The following LUM variants were observed in gnomAD, a reference collection of about 807,000 sequenced individuals.
LUM encodes KSPG lumican.
A neutral mutation model predicts 20.5 loss-of-function variants in LUM; 13 were observed. The ratio of observed to expected loss-of-function variants is 0.63; its 90% confidence interval spans 0.41 to 1.01. The LOEUF (loss-of-function observed/expected upper bound fraction) is 1.01. LUM is among the 50% of genes least tolerant of loss of function. LUM has a pLI of 0.00. For synonymous variants in LUM, 173 were observed against 151.5 expected (o/e 1.14, Z -1.04); for missense variants, 321 against 391.1 (o/e 0.82, Z 1.51).
Position 91,104,124 on chromosome 12 carries a change from A to G in LUM, c.*41T>C. The G allele has an allele frequency of 1.3e-6, 2 of 1,545,350 alleles. No homozygotes were observed. Among genetic ancestry groups the G allele is most frequent in the Non-Finnish European group, 1.8e-6 (2 of 1,120,750 alleles). Reference sequence around the variant, plus strand: ...ATGGATACTATGAAAACTGACACACAGAAAAACATAACCATAAAATATTGT... The same window carrying G: ...ATGGATACTATGAAAACTGACACACGGAAAAACATAACCATAAAATATTGT... On this transcript the variant is annotated 3_prime_UTR_variant, in exon 3 of 3. Coordinates refer to ENST00000266718, the MANE Select transcript of LUM (RefSeq NM_002345.4).
chr12:91,104,358 G>T, intron 2 of LUM, 39 bp from the exon 3 acceptor site: 1 of 1,431,178 alleles, frequency 7.0e-7, no homozygotes, highest in South Asian at 1.2e-5. Context: ...TCATTTTTCA[G>T]TACACTGGCT....
At position 91,108,579 on chromosome 12, in the gene LUM, G is replaced by T; in HGVS notation, c.401C>A (p.Pro134Gln). ...CAGATCCTCCAGAGATTTGGGAAGT[G>T]GGCCCACAGACTCTGTCAGGTTGTT... ...NHNNLTESVG[P>Q]LPKSLEDLQL... The change falls in exon 2 of 3, where the codon CCA (proline) becomes CAA (glutamine). Residue 134 changes from proline (P) to glutamine (Q), a missense_variant. Pro to Gln is a moderately conservative substitution (Grantham distance 76). Transcript: ENST00000266718. The surrounding 1 kb of genome is among the most constrained non-coding windows in gnomAD (Gnocchi z 4.2). The T allele has an allele frequency of 6.2e-7, 1 of 1,611,182 alleles. No homozygotes were observed. Among genetic ancestry groups the T allele is most frequent in the Non-Finnish European group, 8.5e-7 (1 of 1,178,150 alleles).
intron 2 of LUM, among the ~76,000 whole-genome samples, chr12:91,107,872 C>T (rs552732669): frequency 6.6e-6 from 1 of 151,990 alleles, no homozygotes; most frequent in South Asian, 2.1e-4. Flanking sequence ...TGCGACACCA[C>T]GCCTGGCTAA....
rs1232042745 is a variant in LUM at position 91,103,111 on chromosome 12, A to G, written c.*1054T>C. ...GAAAGCTGTTATTACTGGATTATGAACTCAAAACCTATGATCCAGACATAT... is the reference window on the plus strand; with the variant it reads ...GAAAGCTGTTATTACTGGATTATGAGCTCAAAACCTATGATCCAGACATAT... On this transcript the variant is annotated 3_prime_UTR_variant, in exon 3 of 3. Transcript: ENST00000266718. 1 of 152,130 alleles carries G rather than the reference A, an allele frequency of 6.6e-6. No individual in the cohort carries two copies. Among genetic ancestry groups the G allele is most frequent in the Non-Finnish European group, 1.5e-5 (1 of 67,976 alleles). The allele number at this position is 152,130 out of a possible 1,614,324, so 9.4% of individuals were successfully genotyped here.
chr12:91,110,212 T>C (rs975936122), intron 1 of LUM, among the ~76,000 whole-genome samples: 4 of 152,312 alleles, frequency 2.6e-5, no homozygotes, highest in South Asian at 2.1e-4. Flanking sequence ...TACATTCTAA[T>C]AGATAACTGA....
At chr12:91,109,103 AT>A (rs1880146995) in intron 1 of LUM, 103 bp from the exon 2 acceptor site, 1 of 868,228 alleles carries the variant, frequency 1.2e-6, no homozygotes, top group Admixed American at 2.5e-5. Context: ...GCATTTTGTT[AT>A]TTTATAGCTA....
rs997575447 is a variant in LUM, at chr12:91,104,373, A to G, written c.863-54T>C. 69 of 1,239,044 alleles carry G rather than the reference A, an allele frequency of 5.6e-5. 1 individual carries two copies. The highest frequency in any genetic ancestry group is 3.9e-4 in the South Asian group (29 of 74,634). 76.8% of individuals were successfully genotyped at this position (1,239,044 alleles called of 1,614,324 possible). Reference sequence around the variant, plus strand: ...TCATTTTTCAGTACACTGGCTCAAAACAATACAAAAAATTTATGTTTAATA... The same window carrying G: ...TCATTTTTCAGTACACTGGCTCAAAGCAATACAAAAAATTTATGTTTAATA... On this transcript the variant is annotated intron_variant, in intron 2 of 2. Transcript: ENST00000266718.
At position 91,108,788 on chromosome 12, in the gene LUM, C is replaced by A; in HGVS notation, c.192G>T (p.Val64=). ...DELKLKSVPM[V]PPGIKYLYLR... ...GGTAAAGATACTTGATTCCAGGAGG[C>A]ACCATTGGTACACTTTTCAATTTCA... The change falls in exon 2 of 3, where the codon GTG becomes GTT. Residue 64 remains valine, a synonymous_variant. Transcript: ENST00000266718. The surrounding 1 kb of genome is among the most constrained non-coding windows in gnomAD (Gnocchi z 4.2). The A allele has an allele frequency of 6.2e-7, 1 of 1,614,042 alleles. No individual in the cohort carries two copies.
At position 91,108,017 on chromosome 12, in the gene LUM, T is replaced by C; in HGVS notation, c.862+101A>G. The C allele has an allele frequency of 7.4e-7, 1 of 1,351,766 alleles. No individual in the cohort carries two copies. The highest frequency in any genetic ancestry group is 1.1e-6 in the Non-Finnish European group (1 of 944,482). The allele number at this position is 1,351,766 out of a possible 1,614,324, so 83.7% of individuals were successfully genotyped here. A position where few individuals can be genotyped will look rare whatever the true frequency, so the allele number is the denominator to read the frequency against. ...AATGAGCCACAGCGCCCGGGCGACA[T>C]TTTGTTTTTTTAATGGAGCCAGATG... On this transcript the variant is annotated intron_variant, in intron 2 of 2. Transcript: ENST00000266718. This position sits in a 1 kb window ranked among gnomAD's most constrained non-coding sequence, Gnocchi z 4.2.
At position 91,107,979 on chromosome 12, in the gene LUM, C is replaced by T; in HGVS notation, c.862+139G>A. ...CCGCCCACTTCGGCCTCCCAAAATG[C>T]TGGATTTACAGGAATGAGCCACAGC... On this transcript the variant is annotated intron_variant, in intron 2 of 2. Coordinates refer to ENST00000266718, the MANE Select transcript of LUM (RefSeq NM_002345.4). 9.1e-6 allele frequency: 9 copies of T among 990,882 alleles called. No homozygotes were observed. In the South Asian group the frequency reaches 1.1e-4, roughly 12 times the overall value. The allele number at this position is 990,882 out of a possible 1,614,324, so 61.4% of individuals were successfully genotyped here.
Position 91,102,728 on chromosome 12 carries a change from G to A in LUM, c.*1437C>T. On this transcript the variant is annotated 3_prime_UTR_variant, in exon 3 of 3. Coordinates refer to ENST00000266718, the MANE Select transcript of LUM (RefSeq NM_002345.4). Reference sequence around the variant, plus strand: ...CACACTCTAAGGAATTTACCTTAATGTAGAAAACTCATGAAAATCAAAAAT... The same window carrying A: ...CACACTCTAAGGAATTTACCTTAATATAGAAAACTCATGAAAATCAAAAAT... 6.6e-6 allele frequency: 1 copy of A among 152,082 alleles called. No homozygotes were observed. The highest frequency in any genetic ancestry group is 2.4e-5 in the African/African-American group (1 of 41,448). 9.4% of individuals were successfully genotyped at this position (152,082 alleles called of 1,614,324 possible).
At position 91,103,308 on chromosome 12, in the gene LUM, A is replaced by G. The variant is rs1411653973; in HGVS notation, c.*857T>C. The G allele has an allele frequency of 6.6e-6, 1 of 152,088 alleles. No individual in the cohort carries two copies. The highest frequency in any genetic ancestry group is 2.4e-5 in the African/African-American group (1 of 41,442). 9.4% of individuals were successfully genotyped at this position (152,088 alleles called of 1,614,324 possible). On this transcript the variant is annotated 3_prime_UTR_variant, in exon 3 of 3. Transcript: ENST00000266718. The stretch of plus-strand genomic sequence containing the variant: ...CCATTGTATATGAACCAGTAAAAAC[A>G]CCAGGAATGGGAATAATGACAAATA...
chr12:91,107,331 AAG>A (rs1491579475), intron 2 of LUM, among the ~76,000 whole-genome samples: 1 of 144,392 alleles, frequency 6.9e-6, no homozygotes, highest in African/African-American at 2.5e-5. Flanking sequence ...GAAAGAAAGA[AAG>A]AAAGAAAGAA....
chr12:91,108,194 G>T lies in LUM; in HGVS notation c.786C>A (p.Ser262=). The change falls in exon 2 of 3, where the codon TCC becomes TCA. Residue 262 remains serine (S), a synonymous_variant. Coordinates refer to ENST00000266718, the MANE Select transcript of LUM (RefSeq NM_002345.4). The surrounding 1 kb of genome is among the most constrained non-coding windows in gnomAD (Gnocchi z 4.2). ...TTGGTATGTTTTTAAGCTTGTTATA[G>T]GACAGATCCAGCTCAACCAGGGATG... ...NVSSLVELDL[S]YNKLKNIPTV... The T allele has an allele frequency of 6.2e-7, 1 of 1,614,048 alleles. No individual in the cohort carries two copies. The highest frequency in any genetic ancestry group is 8.5e-7 in the Non-Finnish European group (1 of 1,179,944).
chr12:91,103,393 G>A lies in LUM; in HGVS notation c.*772C>T, dbSNP rs1283523934. On this transcript the variant is annotated 3_prime_UTR_variant, in exon 3 of 3. Transcript: ENST00000266718. ...AGGTGTTTTTAAGAACTCTTTGTAA[G>A]TGAATGCTAGAAGTAGACAAATTAT... The A allele has an allele frequency of 2.0e-5, 3 of 152,060 alleles. No individual in the cohort carries two copies. Among genetic ancestry groups the A allele is most frequent in the Non-Finnish European group, 4.4e-5 (3 of 67,956 alleles). 9.4% of individuals were successfully genotyped at this position (152,060 alleles called of 1,614,324 possible). A position where few individuals can be genotyped will look rare whatever the true frequency, so the allele number is the denominator to read the frequency against.
intron 2 of LUM, among the ~76,000 whole-genome samples, chr12:91,105,412 T>C (rs1475516404): frequency 6.6e-6 from 1 of 152,224 alleles, no homozygotes; most frequent in Non-Finnish European, 1.5e-5. Flanking sequence ...TTGATTTTGC[T>C]GTCTTTCTAA....
At position 91,108,565 on chromosome 12, in the gene LUM, G is replaced by C. The variant is rs753326557; in HGVS notation, c.415C>G (p.Leu139Val). Residue 139 changes from leucine (L) to valine (V), a missense_variant, in exon 2 of 3, where the codon CTG (leucine) becomes GTG (valine). Leu to Val is a conservative substitution (Grantham distance 32). Coordinates refer to ENST00000266718, the MANE Select transcript of LUM (RefSeq NM_002345.4). The surrounding 1 kb of genome is among the most constrained non-coding windows in gnomAD (Gnocchi z 4.2). The part of the protein sequence containing the change: ...TESVGPLPKS[L>V]EDLQLTHNKI... ...TTATGAGTAAGCTGCAGATCCTCCA[G>C]AGATTTGGGAAGTGGGCCCACAGAC... is the stretch of plus-strand genomic sequence containing the variant. The C allele has an allele frequency of 1.9e-6, 3 of 1,610,732 alleles. No individual in the cohort carries two copies. In the Admixed American group the frequency reaches 5.0e-5, roughly 27 times the overall value.
chr12:91,109,002 T>C lies in LUM; in HGVS notation c.-21-2A>G. On this transcript the variant is annotated splice_acceptor_variant, in intron 1 of 2. Coordinates refer to ENST00000266718, the MANE Select transcript of LUM (RefSeq NM_002345.4). LOFTEE classifies it low-confidence loss of function (5UTR_SPLICE). ...CATTTTTGGCAAATGGTTTGAATCCTAAATAAAGATGAAACATTTATTAAT... is the reference window on the plus strand; with the variant it reads ...CATTTTTGGCAAATGGTTTGAATCCCAAATAAAGATGAAACATTTATTAAT... 1 of 1,588,790 alleles carries C rather than the reference T, an allele frequency of 6.3e-7. No individual in the cohort carries two copies. The highest frequency in any genetic ancestry group is 8.6e-7 in the Non-Finnish European group (1 of 1,161,602).
At position 91,104,294 on chromosome 12, in the gene LUM, C is replaced by T; in HGVS notation, c.888G>A (p.Lys296=). 1 of 1,612,034 alleles carries T rather than the reference C, an allele frequency of 6.2e-7. No homozygotes were observed. Among genetic ancestry groups the T allele is most frequent in the Non-Finnish European group, 8.5e-7 (1 of 1,178,998 alleles). ...LEKFDIKSFC[K]ILGPLSYSKI... is the part of the protein sequence containing the mutation. Reference sequence around the variant, plus strand: ...TGGAGTAGGATAATGGCCCCAGGATCTTGCAGAAGCTCTTTATGTCAAACT... The same window carrying T: ...TGGAGTAGGATAATGGCCCCAGGATTTTGCAGAAGCTCTTTATGTCAAACT... Residue 296 remains lysine (K), a synonymous_variant, in exon 3 of 3, where the codon AAG becomes AAA. Transcript: ENST00000266718.
Sources: gnomAD v4.1 joint callset for allele counts (sites outside exome capture counted in the v4.1 genomes callset) on GRCh38, gnomAD v4.1.1 for gene constraint, Gnocchi (gnomAD v3.1) non-coding constraint, MANE v1.5 for transcripts, NCBI Gene and HGNC (gene_info 2026-07-23, HGNC 2026-07-21) for gene names.